The following SEC14L5 variants were observed in gnomAD, a reference collection of about 807,000 sequenced individuals.
SEC14L5 encodes SEC14 like lipid binding 5, also known as SEC14-like protein 5.
In SEC14L5, 96 loss-of-function variants were observed where a neutral mutation model predicts 84.6. That is an observed-to-expected ratio of 1.13 (90% CI 0.96 to 1.34). The LOEUF is 1.34. Among genes scored for constraint, SEC14L5 ranks in the 40% most tolerant of loss-of-function variants. The probability of loss-of-function intolerance (pLI) is 0.00; values close to 1 mark genes in which losing one functional copy is unlikely to be tolerated. For missense variants in SEC14L5, 1,224 were observed against 942.5 expected, an observed-to-expected ratio of 1.30 and a Z score of -3.91; for synonymous variants, 546 against 383.4, an observed-to-expected ratio of 1.42 and a Z score of -4.95.
At chr16:4,981,275 T>G (rs1408507761) in intron 2 of SEC14L5, among the ~76,000 whole-genome samples, 1 of 144,838 alleles carries the variant, frequency 6.9e-6, no homozygotes, top group Non-Finnish European at 1.5e-5. Context: ...TTTTTTTTTT[T>G]TTTTTTTTGT....
At position 5,011,374 on chromosome 16, in the gene SEC14L5, C is replaced by G. The variant is rs544505456; in HGVS notation, c.1979+101C>G. On this transcript the variant is annotated intron_variant, in intron 15 of 15. Transcript: ENST00000251170. ...TGTCTCCCAGCTGGGTCAGCTTCTC[C>G]CGGGGTGGGACCCCAGCATGGGTAT... is the stretch of plus-strand genomic sequence containing the variant. 4 of 1,239,094 alleles carry G rather than the reference C, an allele frequency of 3.2e-6. No homozygotes were observed. In the East Asian group the frequency reaches 1.0e-4, roughly 31 times the overall value. The allele number at this position is 1,239,094 out of a possible 1,614,324, so 76.8% of individuals were successfully genotyped here.
intron 5 of SEC14L5, among the ~76,000 whole-genome samples, chr16:4,991,302 T>G (rs1467404637): frequency 6.6e-6 from 1 of 151,910 alleles, no homozygotes; most frequent in East Asian, 1.9e-4. Flanking sequence ...AAACAATGTG[T>G]TATCAATATA....
intron 2 of SEC14L5, among the ~76,000 whole-genome samples, chr16:4,961,941 C>T (rs1174053458): frequency 6.6e-6 from 1 of 152,020 alleles, no homozygotes; most frequent in Non-Finnish European, 1.5e-5. Flanking sequence ...TTATCGACCA[C>T]TTATTGTCAC....
chr16:4,998,737 C>CAAAAAA (rs60494025), intron 8 of SEC14L5, among the ~76,000 whole-genome samples: 5 of 94,036 alleles, frequency 5.3e-5, no homozygotes, highest in African/African-American at 1.9e-4. Context: ...GACTCCGTCT[C>CAAAAAA]AAAAAAAAAA....
intron 2 of SEC14L5, among the ~76,000 whole-genome samples, chr16:4,966,002 A>T (rs12931152): frequency 0.49 from 75,100 of 151,910 alleles, 18,792 homozygotes; most frequent in Middle Eastern, 0.52. Context: ...TGATGTTGCT[A>T]CTGCAGTCCA....
In SEC14L5 at chr16:4,990,907, G is replaced by A. The variant is rs760237596; in HGVS notation, c.474+12G>A. Reference sequence around the variant, plus strand: ...CCAACGTCAAGAGGGTAAGCGGTGGGTTGCGTTAGTTACTGGAGGAAGGTG... The same window carrying A: ...CCAACGTCAAGAGGGTAAGCGGTGGATTGCGTTAGTTACTGGAGGAAGGTG... On this transcript the variant is annotated intron_variant, in intron 5 of 15. Coordinates refer to ENST00000251170, the MANE Select transcript of SEC14L5 (RefSeq NM_014692.2). The A allele has an allele frequency of 6.4e-7, 1 of 1,557,088 alleles. No individual in the cohort carries two copies. The highest frequency in any genetic ancestry group is 1.2e-5 in the South Asian group (1 of 83,320).
At chr16:4,990,360 A>G (rs1185596054) in intron 4 of SEC14L5, among the ~76,000 whole-genome samples, 1 of 152,026 alleles carries the variant, frequency 6.6e-6, no homozygotes, top group Non-Finnish European at 1.5e-5. Context: ...ATGGAGTTTC[A>G]CCATGTTGGC....
chr16:4,987,583 C>T lies in SEC14L5; in HGVS notation c.90C>T (p.Cys30=). Residue 30 remains cysteine (C), a synonymous_variant, in exon 3 of 16, where the codon TGC becomes TGT. Coordinates refer to ENST00000251170, the MANE Select transcript of SEC14L5 (RefSeq NM_014692.2). ...CCTACGAGAAGCGTTTCCCCACGTG[C>T]CCACAGATCCCAGTCTTCCTGGGCA... ...MAAYEKRFPT[C]PQIPVFLGSE... 1 of 1,561,618 alleles carries T rather than the reference C, an allele frequency of 6.4e-7. No homozygotes were observed. The highest frequency in any genetic ancestry group is 8.7e-7 in the Non-Finnish European group (1 of 1,153,976).
intron 2 of SEC14L5, among the ~76,000 whole-genome samples, chr16:4,960,188 G>C (rs1876349): frequency 0.58 from 88,261 of 152,018 alleles, 26,658 homozygotes; most frequent in East Asian, 0.79. Context: ...CTCTGCCTCT[G>C]AGCACTTCAC....
chr16:4,969,280 A>T (rs1596614847), intron 2 of SEC14L5, among the ~76,000 whole-genome samples: 2 of 152,230 alleles, frequency 1.3e-5, no homozygotes, highest in East Asian at 3.8e-4. Context: ...TGCATTCCAC[A>T]AATATTTTTT....
chr16:5,010,433 G>T (rs1310736163), intron 14 of SEC14L5, among the ~76,000 whole-genome samples: 1 of 152,050 alleles, frequency 6.6e-6, no homozygotes, highest in East Asian at 1.9e-4. Flanking sequence ...AGCTGCCCCT[G>T]TTGATCCCCA....
chr16:4,980,110 C>T (rs1001672696), intron 2 of SEC14L5, among the ~76,000 whole-genome samples: 2 of 152,228 alleles, frequency 1.3e-5, no homozygotes, highest in African/African-American at 4.8e-5. Context: ...TGAGCCTCAA[C>T]TTGCTCATCT....
chr16:4,963,161 G>C (rs1415053947), intron 2 of SEC14L5, among the ~76,000 whole-genome samples: 5 of 152,214 alleles, frequency 3.3e-5, no homozygotes, highest in Non-Finnish European at 7.3e-5. Context: ...AATTGGGCTT[G>C]AGTAATTGAT....
chr16:4,961,226 T>C (rs187810071), intron 2 of SEC14L5, among the ~76,000 whole-genome samples: 2 of 152,186 alleles, frequency 1.3e-5, no homozygotes, highest in Admixed American at 1.3e-4. Context: ...AGAGCCGAGA[T>C]TGCGCCGCAA....
chr16:4,998,787 G>C (rs1955644252), intron 8 of SEC14L5, among the ~76,000 whole-genome samples: 3 of 146,906 alleles, frequency 2.0e-5, no homozygotes, highest in East Asian at 4.0e-4. Context: ...TCTATATCAA[G>C]TAGGGTAAAC....
Position 5,009,292 on chromosome 16 carries a change from G to T in SEC14L5, c.1800+644G>T, listed in dbSNP as rs111647111. ...TCCTGTAAGGACACTAGCCATCACA[G>T]TTAGGCCCCATCTTAAATCCTGTTT... On this transcript the variant is annotated intron_variant, in intron 14 of 15. Transcript: ENST00000251170. Among the ~76,000 whole-genome samples, 391 of 152,166 alleles carry T rather than the reference G, an allele frequency of 2.6e-3. 4 individuals carry two copies. The East Asian group carries it at 0.035, about 14-fold the overall frequency.
intron 2 of SEC14L5, 66 bp downstream of exon 2, chr16:4,959,452 G>C: frequency 7.4e-7 from 1 of 1,355,348 alleles, no homozygotes; most frequent in Non-Finnish European, 1.1e-6. Flanking sequence ...AGCTATGGCG[G>C]TAGGAAGACG....
chr16:4,962,548 T>C (rs976502537), intron 2 of SEC14L5, among the ~76,000 whole-genome samples: 2 of 151,958 alleles, frequency 1.3e-5, no homozygotes, highest in African/African-American at 4.8e-5. Flanking sequence ...ATTAGCTGGG[T>C]ATGGTGGCAA....
rs113366302 is a variant in SEC14L5, at chr16:4,963,859, A to G, written c.63+4473A>G. 3.7e-3 allele frequency among the ~76,000 whole-genome samples: 556 copies of G among 151,360 alleles called. 4 individuals are homozygous for G. Among genetic ancestry groups the G allele is most frequent in the African/African-American group, 0.013 (528 of 41,194 alleles). ...AAATTCTACTATATAAAAATTTATA[A>G]ATACTTTTATAGAAATGAGGTCTCA... On this transcript the variant is annotated intron_variant, in intron 2 of 15. Coordinates refer to ENST00000251170, the MANE Select transcript of SEC14L5 (RefSeq NM_014692.2).
Sources: gnomAD v4.1 joint callset for allele counts (sites outside exome capture counted in the v4.1 genomes callset) on GRCh38, gnomAD v4.1.1 for gene constraint, MANE v1.5 for transcripts, NCBI Gene and HGNC (gene_info 2026-07-23, HGNC 2026-07-21) for gene names.